Variants in SLC26A7 observed in about 807,000 individuals in gnomAD.
SLC26A7 encodes solute carrier family 26 member 7.
Under a neutral mutation model 82.5 loss-of-function variants are expected in SLC26A7, and 59 were observed. That is an observed-to-expected ratio of 0.72 (90% CI 0.58 to 0.89). The LOEUF (loss-of-function observed/expected upper bound fraction) is 0.89, where lower values mean the gene tolerates loss of function less well. Ranked by LOEUF, SLC26A7 falls within the 40% of genes least tolerant of loss-of-function variation. The pLI is 0.00. For synonymous variants in SLC26A7, 271 were observed against 274.3 expected (o/e 0.99, Z 0.12); for missense variants, 820 against 793.0 (o/e 1.03, Z -0.41).
intron 2 of SLC26A7, among the ~76,000 whole-genome samples, chr8:91,283,396 AG>A (rs1388166989): frequency 6.6e-6 from 1 of 152,152 alleles, no homozygotes; most frequent in Non-Finnish European, 1.5e-5. Flanking sequence ...TACCTAGAAA[AG>A]TGCCTCAGGT....
At chr8:91,250,862 T>G (rs969295430) in intron 2 of SLC26A7, among the ~76,000 whole-genome samples, 3 of 152,150 alleles carry the variant, frequency 2.0e-5, no homozygotes, top group Non-Finnish European at 1.5e-5. Flanking sequence ...TGTCATACTT[T>G]ATAGGATTCC....
chr8:91,389,679 C>T (rs561752990), intron 16 of SLC26A7, among the ~76,000 whole-genome samples: 1 of 152,086 alleles, frequency 6.6e-6, no homozygotes, highest in Non-Finnish European at 1.5e-5. Context: ...ATGGGGTAGT[C>T]AGAGAGAACA....
rs142434006 is a variant in SLC26A7, at chr8:91,306,307, A to G, written c.477+10604A>G. On this transcript the variant is annotated intron_variant, in intron 4 of 18. Coordinates refer to ENST00000276609, the MANE Select transcript of SLC26A7 (RefSeq NM_052832.4). ...TTTCTCTCTTTTGTATGCGTGGTTT[A>G]TATTTTTGTCTTGGTGTGGTTATTT... Among the ~76,000 whole-genome samples, 15 of 152,166 alleles carry G rather than the reference A, an allele frequency of 9.9e-5. No homozygotes were observed. The East Asian group carries it at 2.9e-3, about 29-fold the overall frequency.
At chr8:91,315,570 A>G (rs540434811) in intron 4 of SLC26A7, among the ~76,000 whole-genome samples, 2 of 152,292 alleles carry the variant, frequency 1.3e-5, no homozygotes, top group East Asian at 3.9e-4. Flanking sequence ...TGTTAGTAGC[A>G]GAAGCTGCTG....
intron 5 of SLC26A7, among the ~76,000 whole-genome samples, chr8:91,322,228 T>C (rs1054201590): frequency 1.3e-5 from 2 of 152,178 alleles, no homozygotes; most frequent in African/African-American, 4.8e-5. Context: ...GGGTTGATCA[T>C]TAAAATTAAA....
chr8:91,233,568 A>AAAAAAGAAAAAAAAG (rs536105615), intron 2 of SLC26A7, among the ~76,000 whole-genome samples: 33 of 151,910 alleles, frequency 2.2e-4, no homozygotes, highest in African/African-American at 7.5e-4. Context: ...TTCTGTGTCA[A>AAAAAAGAAAAAAAAG]AAAAAGAAAA....
At chr8:91,251,063 G>A (rs944182034) in intron 2 of SLC26A7, among the ~76,000 whole-genome samples, 2 of 151,540 alleles carry the variant, frequency 1.3e-5, no homozygotes, top group Non-Finnish European at 2.9e-5. Flanking sequence ...TTTTTAACCA[G>A]ATAGTTTCAG....
At chr8:91,230,128 A>G (rs1355072877) in intron 2 of SLC26A7, among the ~76,000 whole-genome samples, 3 of 152,126 alleles carry the variant, frequency 2.0e-5, no homozygotes, top group Non-Finnish European at 4.4e-5. Context: ...ATTGTTGCAT[A>G]TATCACGAGT....
In SLC26A7 at chr8:91,262,661, CT is replaced by C. The variant is rs532545258; in HGVS notation, c.193+12827del. ...GCCCACAAGAATAGGAGTTATTTGA[CT>C]TTTTTTTTTCTCCTGAATATGGAGG... On this transcript the variant is annotated intron_variant, in intron 2 of 18. Transcript: ENST00000276609. Among the ~76,000 whole-genome samples, 28 of 149,414 alleles carry C rather than the reference CT, an allele frequency of 1.9e-4. No homozygotes were observed. The South Asian group carries it at 5.7e-3, about 31-fold the overall frequency.
At chr8:91,339,823 C>T (rs1813351087) in intron 7 of SLC26A7, among the ~76,000 whole-genome samples, 1 of 151,944 alleles carries the variant, frequency 6.6e-6, no homozygotes, top group Non-Finnish European at 1.5e-5. Flanking sequence ...AACTATGGTC[C>T]TATATTTTGA....
upstream of SLC26A7, among the ~76,000 whole-genome samples, chr8:91,247,703 T>C (rs534948671): frequency 1.4e-4 from 22 of 152,300 alleles, no homozygotes; most frequent in East Asian, 4.0e-3. Flanking sequence ...GTACTTCTAT[T>C]TACCTTCAAT....
intron 9 of SLC26A7, among the ~76,000 whole-genome samples, chr8:91,345,521 A>C: frequency 6.6e-6 from 1 of 152,208 alleles, no homozygotes; most frequent in East Asian, 1.9e-4. Flanking sequence ...ATGTCCTTAA[A>C]ATGTTAAAAA....
chr8:91,360,344 G>A (rs1254135625), intron 11 of SLC26A7, among the ~76,000 whole-genome samples: 3 of 152,128 alleles, frequency 2.0e-5, no homozygotes, highest in African/African-American at 7.2e-5. Context: ...TAGGAAGAGA[G>A]CAAGTAGGAA....
At chr8:91,304,697 G>C (rs1273443422) in intron 4 of SLC26A7, among the ~76,000 whole-genome samples, 1 of 152,176 alleles carries the variant, frequency 6.6e-6, no homozygotes, top group Non-Finnish European at 1.5e-5. Context: ...CTAAACTAGT[G>C]TTGACAAAGG....
chr8:91,295,693 G>T lies in SLC26A7; in HGVS notation c.467G>T (p.Gly156Val). 1 of 1,613,840 alleles carries T rather than the reference G, an allele frequency of 6.2e-7. No individual in the cohort carries two copies. The change falls in exon 4 of 19, where the codon GGT becomes GTT. Residue 156 changes from glycine to valine, a missense_variant. Physicochemically the swap from Gly to Val is moderately radical, Grantham distance 109. Coordinates refer to ENST00000276609, the MANE Select transcript of SLC26A7 (RefSeq NM_052832.4). ...HVAAAVSFLG[G>V]VIQVAMFVLQ... ...GCTGCAGCAGTTTCCTTCTTGGGAGGTGTGATTCAGGTAAGTGATACTGAC... is the reference window on the plus strand; with the variant it reads ...GCTGCAGCAGTTTCCTTCTTGGGAGTTGTGATTCAGGTAAGTGATACTGAC...
At chr8:91,384,851 G>C (rs1311768797) in intron 15 of SLC26A7, among the ~76,000 whole-genome samples, 1 of 152,154 alleles carries the variant, frequency 6.6e-6, no homozygotes. Context: ...AGGCAATGCT[G>C]TGGTTTGTCT....
At chr8:91,226,320 A>ATCT (rs956400192) in intron 2 of SLC26A7, among the ~76,000 whole-genome samples, 7 of 152,180 alleles carry the variant, frequency 4.6e-5, no homozygotes, top group African/African-American at 1.7e-4. Flanking sequence ...GCAAAGAGGT[A>ATCT]TTTTCTGAAG....
intron 18 of SLC26A7, chr8:91,394,704 T>C: frequency 2.7e-6 from 3 of 1,097,674 alleles, no homozygotes; most frequent in Admixed American, 4.5e-5. Flanking sequence ...TATTATTAAA[T>C]CTAACATATA....
intron 7 of SLC26A7, among the ~76,000 whole-genome samples, 186 bp from the exon 8 acceptor site, chr8:91,340,218 T>G (rs531465119): frequency 1.3e-5 from 2 of 152,186 alleles, no homozygotes; most frequent in South Asian, 4.1e-4. Context: ...TTCCTTGTAA[T>G]TTTGCTATTC....
Sources: gnomAD v4.1 joint callset for allele counts (sites outside exome capture counted in the v4.1 genomes callset) on GRCh38, gnomAD v4.1.1 for gene constraint, MANE v1.5 for transcripts, NCBI Gene and HGNC (gene_info 2026-07-23, HGNC 2026-07-21) for gene names.